The following MARVELD3 variants were observed in gnomAD, a reference collection of about 807,000 sequenced individuals.
MARVELD3 encodes MARVEL domain containing 3.
A neutral mutation model predicts 33.5 loss-of-function variants in MARVELD3; 28 were observed. The observed-to-expected ratio is 0.84, with a 90% CI of 0.62 to 1.15. The LOEUF (loss-of-function observed/expected upper bound fraction) is 1.15, where lower values mean the gene tolerates loss of function less well. MARVELD3 is among the 50% of genes most tolerant of loss of function. The pLI is 0.00. For missense variants in MARVELD3, 582 were observed against 547.6 expected (o/e 1.06, Z -0.63); for synonymous variants, 241 against 230.4 (o/e 1.05, Z -0.42).
rs573298729 is a variant in MARVELD3 at position 71,632,619 on chromosome 16, A to T, written c.596-1574A>T. On this transcript the variant is annotated intron_variant, in intron 2 of 2. Transcript: ENST00000268485. ...TTTTTTATTTTTTATTTATTTATTT[A>T]TCTTTTTTTTGAGGCAGAGCCTCAC... Among the ~76,000 whole-genome samples, 936 of 142,168 alleles carry T rather than the reference A, an allele frequency of 6.6e-3. 10 individuals carry two copies. Among genetic ancestry groups the T allele is most frequent in the African/African-American group, 0.017 (651 of 38,366 alleles). The allele number at this position is 142,168 out of a possible 152,430, so 93.3% of individuals were successfully genotyped here.
rs201439243 is a variant in MARVELD3 at position 71,634,812 on chromosome 16, A to G, written c.*9A>G. On this transcript the variant is annotated 3_prime_UTR_variant, in exon 3 of 3. Coordinates refer to ENST00000268485, the MANE Select transcript of MARVELD3 (RefSeq NM_052858.6). Reference sequence around the variant, plus strand: ...AAATGTTTGAATTTTAAGGGTTTCTAAAACGCTCTGACAGATGCAAGTGGT... The same window carrying G: ...AAATGTTTGAATTTTAAGGGTTTCTGAAACGCTCTGACAGATGCAAGTGGT... 2 of 1,580,760 alleles carry G rather than the reference A, an allele frequency of 1.3e-6. No homozygotes were observed. The highest frequency in any genetic ancestry group is 2.3e-5 in the South Asian group (2 of 85,746).
chr16:71,640,316 T>C (rs2145289712), downstream of MARVELD3: 1 of 1,482,062 alleles, frequency 6.7e-7, no homozygotes, highest in East Asian at 2.3e-5. Flanking sequence ...TAAAATCAGG[T>C]GGCCTGTGGT....
downstream of MARVELD3, chr16:71,640,577 C>T: frequency 6.2e-7 from 1 of 1,614,216 alleles, no homozygotes; most frequent in South Asian, 1.1e-5. Context: ...AGTACACGAT[C>T]CTCCGCTCGC....
chr16:71,634,172 G>A (rs957636330), intron 2 of MARVELD3, 21 bp from the exon 3 acceptor site: 1 of 1,580,178 alleles, frequency 6.3e-7, no homozygotes, highest in African/African-American at 1.3e-5. Context: ...ACTCAAAAAT[G>A]GTAACACCCT....
downstream of MARVELD3, chr16:71,639,255 G>A (rs71403862): frequency 6.6e-6 from 1 of 151,472 alleles, no homozygotes; most frequent in East Asian, 1.9e-4. Flanking sequence ...ATTTTTAGTA[G>A]AGCTGGGGTT....
At chr16:71,636,734 G>C (rs1296215522), downstream of MARVELD3, among the ~76,000 whole-genome samples, 1 of 152,108 alleles carries the variant, frequency 6.6e-6, no homozygotes, top group African/African-American at 2.4e-5. Context: ...GGAACTACAG[G>C]CCCGTGCCAC....
chr16:71,629,202 C>G (rs1256873888), intron 1 of MARVELD3, 165 bp from the exon 2 acceptor site: 1 of 713,350 alleles, frequency 1.4e-6, no homozygotes, highest in Non-Finnish European at 2.1e-6. Flanking sequence ...TTGGATGTCC[C>G]GTGGGGCCAC....
downstream of MARVELD3, chr16:71,641,266 C>G: frequency 2.0e-6 from 1 of 491,606 alleles, no homozygotes; most frequent in Non-Finnish European, 3.6e-6. Context: ...CAGCCTGGCT[C>G]ACATAGCGAA....
intron 1 of MARVELD3, 25 bp from the exon 2 acceptor site, chr16:71,629,342 G>A (rs1349623408): frequency 2.6e-6 from 4 of 1,519,772 alleles, no homozygotes; most frequent in Non-Finnish European, 3.5e-6. Flanking sequence ...ACCCCCTAAT[G>A]ACCATGTATG....
intron 2 of MARVELD3, among the ~76,000 whole-genome samples, chr16:71,631,063 G>T (rs531878935): frequency 6.6e-6 from 1 of 152,184 alleles, no homozygotes; most frequent in Non-Finnish European, 1.5e-5. Flanking sequence ...CTAAGGGAGA[G>T]AACTTATGGA....
Position 71,634,978 on chromosome 16 carries a change from A to G in MARVELD3, c.*175A>G. The G allele has an allele frequency of 1.4e-6, 2 of 1,395,390 alleles. No homozygotes were observed. The highest frequency in any genetic ancestry group is 2.9e-5 in the African/African-American group (2 of 69,152). 86.4% of individuals were successfully genotyped at this position (1,395,390 alleles called of 1,614,324 possible). A position where few individuals can be genotyped will look rare whatever the true frequency, so the allele number is the denominator to read the frequency against. On this transcript the variant is annotated 3_prime_UTR_variant, in exon 3 of 3. Transcript: ENST00000268485. ...GGAGCGGTGTTCATGGATGCAACAG[A>G]CCCTGGCTTCTGGAGTCCTCTGTGA...
rs777900640 is a variant in MARVELD3, at chr16:71,634,835, G to A, written c.*32G>A. 50 of 1,541,100 alleles carry A rather than the reference G, an allele frequency of 3.2e-5. No individual in the cohort carries two copies. The highest frequency in any genetic ancestry group is 4.3e-5 in the Non-Finnish European group (49 of 1,146,396). ...CTAAAACGCTCTGACAGATGCAAGT[G>A]GTGGTGGAAGGTAGTCTGAGCCACT... On this transcript the variant is annotated 3_prime_UTR_variant, in exon 3 of 3. Transcript: ENST00000268485.
chr16:71,629,351 T>A lies in MARVELD3; in HGVS notation c.468-16T>A. ...TGAGACACCCCCTAATGACCATGTA[T>A]GCTTTTTGGTTATAGTGAACCCCCT... is the stretch of plus-strand genomic sequence containing the variant. On this transcript the variant is annotated splice_polypyrimidine_tract_variant and intron_variant, in intron 1 of 2. Coordinates refer to ENST00000268485, the MANE Select transcript of MARVELD3 (RefSeq NM_052858.6). The A allele has an allele frequency of 6.5e-7, 1 of 1,528,242 alleles. No individual in the cohort carries two copies. The highest frequency in any genetic ancestry group is 8.7e-7 in the Non-Finnish European group (1 of 1,149,502). The allele number at this position is 1,528,242 out of a possible 1,614,324, so 94.7% of individuals were successfully genotyped here.
At chr16:71,639,991 G>C (rs2044605586), downstream of MARVELD3, among the ~76,000 whole-genome samples, 1 of 152,204 alleles carries the variant, frequency 6.6e-6, no homozygotes, top group Non-Finnish European at 1.5e-5. Flanking sequence ...TGTTGAGGCT[G>C]GGTGAGGTGG....
chr16:71,639,680 C>G (rs2044604021), downstream of MARVELD3, among the ~76,000 whole-genome samples: 1 of 151,490 alleles, frequency 6.6e-6, no homozygotes, highest in Non-Finnish European at 1.5e-5. Context: ...CTCCTGACCT[C>G]AAGTGATCTG....
chr16:71,639,907 T>G (rs541014631), downstream of MARVELD3, among the ~76,000 whole-genome samples: 14 of 152,324 alleles, frequency 9.2e-5, 1 homozygote, highest in South Asian at 4.1e-4. Context: ...GTCTTTGTTT[T>G]CAGAGTGGTA....
In MARVELD3 at chr16:71,626,739, C is replaced by T. The variant is rs2044477337; in HGVS notation, c.467+43C>T. The T allele has an allele frequency of 1.4e-6, 2 of 1,399,418 alleles. No individual in the cohort carries two copies. Among genetic ancestry groups the T allele is most frequent in the Non-Finnish European group, 9.3e-7 (1 of 1,080,132 alleles). 86.7% of individuals were successfully genotyped at this position (1,399,418 alleles called of 1,614,324 possible). On this transcript the variant is annotated intron_variant, in intron 1 of 2. Transcript: ENST00000268485. The surrounding 1 kb of genome is among the most constrained non-coding windows in gnomAD (Gnocchi z 5.3). ...GCTGCGACCTCCGCGCCGGGGACACCTGTGGCCCAGGCCGGCCCGCGAGGC... is the reference window on the plus strand; with the variant it reads ...GCTGCGACCTCCGCGCCGGGGACACTTGTGGCCCAGGCCGGCCCGCGAGGC...
chr16:71,633,560 A>G (rs1311435427), intron 2 of MARVELD3, among the ~76,000 whole-genome samples: 2 of 151,952 alleles, frequency 1.3e-5, no homozygotes, highest in African/African-American at 2.4e-5. Flanking sequence ...TGCCTGGCTA[A>G]TTTTTGTATT....
At chr16:71,629,733 G>C in intron 2 of MARVELD3, 1 of 476,600 alleles carries the variant, frequency 2.1e-6, no homozygotes, top group Non-Finnish European at 3.6e-6. Flanking sequence ...GTTTGCAAAG[G>C]CAAGCAGCCA....
Sources: gnomAD v4.1 joint callset for allele counts (sites outside exome capture counted in the v4.1 genomes callset) on GRCh38, gnomAD v4.1.1 for gene constraint, Gnocchi (gnomAD v3.1) non-coding constraint, MANE v1.5 for transcripts, NCBI Gene and HGNC (gene_info 2026-07-23, HGNC 2026-07-21) for gene names.